Variants in EEF2K observed in about 807,000 individuals in gnomAD.
EEF2K encodes the protein eukaryotic elongation factor 2 kinase, also known as alternative protein EEF2K.
EEF2K carries 70 observed loss-of-function variants against 93.8 expected under a neutral mutation model. The observed-to-expected ratio is 0.75, with a 90% confidence interval of 0.62 to 0.91. EEF2K has a LOEUF of 0.91. Ranked by LOEUF, EEF2K falls within the 40% of genes least tolerant of loss-of-function variation. The pLI is 0.00. For synonymous variants in EEF2K, 376 were observed against 380.8 expected (o/e 0.99, Z 0.15); for missense variants, 935 against 972.9 (o/e 0.96, Z 0.52).
chr16:22,212,562 C>T (rs1401430819), intron 1 of EEF2K, among the ~76,000 whole-genome samples: 7 of 152,046 alleles, frequency 4.6e-5, no homozygotes, highest in East Asian at 1.9e-4. Flanking sequence ...CCTCGTGATC[C>T]GCCTGCCTCG....
chr16:22,280,085 A>C, intron 16 of EEF2K, 113 bp from the exon 17 acceptor site: 1 of 1,093,846 alleles, frequency 9.1e-7, no homozygotes, highest in Non-Finnish European at 1.2e-6. Context: ...GTCGTGAACC[A>C]TAGGTGGTGG....
chr16:22,279,256 A>AG (rs2047670426), intron 16 of EEF2K, among the ~76,000 whole-genome samples: 1 of 132,198 alleles, frequency 7.6e-6, no homozygotes, highest in African/African-American at 3.1e-5. Context: ...TTTTTTTTTT[A>AG]ACACAGGGTT....
chr16:22,218,774 T>C (rs8055917), intron 1 of EEF2K, among the ~76,000 whole-genome samples: 47,306 of 151,406 alleles, frequency 0.31, 8,904 homozygotes, highest in East Asian at 0.58. Context: ...CAGTTAGTGG[T>C]AGAGATGGGG....
In EEF2K at chr16:22,284,124, A is replaced by G. The variant is rs1295384598; in HGVS notation, c.*128A>G. 1 of 853,354 alleles carries G rather than the reference A, an allele frequency of 1.2e-6. No individual in the cohort carries two copies. Among genetic ancestry groups the G allele is most frequent in the African/African-American group, 1.7e-5 (1 of 58,154 alleles). 52.9% of individuals were successfully genotyped at this position (853,354 alleles called of 1,614,324 possible). ...TAAGTGTGTTGTAAAATCAAATTTTATATTTCATTTTTTGACTCTTGAAAA... is the reference window on the plus strand; with the variant it reads ...TAAGTGTGTTGTAAAATCAAATTTTGTATTTCATTTTTTGACTCTTGAAAA... On this transcript the variant is annotated 3_prime_UTR_variant, in exon 18 of 18. Coordinates refer to ENST00000263026, the MANE Select transcript of EEF2K (RefSeq NM_013302.5).
At chr16:22,259,822 G>C (rs2047444859) in intron 10 of EEF2K, among the ~76,000 whole-genome samples, 1 of 151,872 alleles carries the variant, frequency 6.6e-6, no homozygotes. Context: ...GCGTGATCTT[G>C]GCTCATTGCA....
intron 11 of EEF2K, among the ~76,000 whole-genome samples, chr16:22,262,263 A>T (rs930901045): frequency 5.9e-5 from 9 of 152,210 alleles, no homozygotes; most frequent in African/African-American, 2.2e-4. Flanking sequence ...TGTAATCCCA[A>T]CACTTTGGGA....
At chr16:22,217,224 T>TAG (rs1297604446) in intron 1 of EEF2K, among the ~76,000 whole-genome samples, 47 of 115,320 alleles carry the variant, frequency 4.1e-4, no homozygotes, top group African/African-American at 1.6e-3. Flanking sequence ...TATAGATAGA[T>TAG]AGATAGAGAG....
In EEF2K at chr16:22,256,921, C is replaced by G. The variant is rs375482252; in HGVS notation, c.768+24C>G. 5.6e-6 allele frequency: 9 copies of G among 1,612,088 alleles called. 1 individual carries two copies. In the South Asian group the frequency reaches 6.6e-5, roughly 12 times the overall value. On this transcript the variant is annotated intron_variant, in intron 7 of 17. Transcript: ENST00000263026. Reference sequence around the variant, plus strand: ...AGGTGAGGCCGAGCTCACCTCCACCCTCTGCCCACCACAGCCCTTGGGGTG... The same window carrying G: ...AGGTGAGGCCGAGCTCACCTCCACCGTCTGCCCACCACAGCCCTTGGGGTG...
chr16:22,224,655 AAAGAAAAAG>A (rs780560558), intron 1 of EEF2K, among the ~76,000 whole-genome samples: 6,198 of 134,718 alleles, frequency 0.046, 457 homozygotes, highest in African/African-American at 0.17. Context: ...AAAGAAAAGA[AAAGAAAAAG>A]AAAAAAGTCC....
At chr16:22,257,171 A>G (rs1240803706) in intron 7 of EEF2K, 82 bp from the exon 8 acceptor site, 4 of 1,584,900 alleles carry the variant, frequency 2.5e-6, no homozygotes, top group Non-Finnish European at 3.4e-6. Context: ...AAAGCCCCTC[A>G]GCATGGGCAG....
Position 22,266,910 on chromosome 16 carries a change from G to A in EEF2K, c.1764+34G>A, listed in dbSNP as rs779166684. 4 of 1,573,702 alleles carry A rather than the reference G, an allele frequency of 2.5e-6. No individual in the cohort carries two copies. In the East Asian group the frequency reaches 9.0e-5, roughly 35 times the overall value. On this transcript the variant is annotated intron_variant, in intron 15 of 17. Coordinates refer to ENST00000263026, the MANE Select transcript of EEF2K (RefSeq NM_013302.5). Reference sequence around the variant, plus strand: ...GTGGCGGGGACCCAGCTGCAGGTGGGGGTGGGACTTGGTCACCCTGTGGTT... The same window carrying A: ...GTGGCGGGGACCCAGCTGCAGGTGGAGGTGGGACTTGGTCACCCTGTGGTT...
intron 3 of EEF2K, among the ~76,000 whole-genome samples, chr16:22,247,407 C>T (rs2047306461): frequency 1.3e-5 from 2 of 151,176 alleles, no homozygotes; most frequent in African/African-American, 4.9e-5. Context: ...AAGATTGCTC[C>T]ACTGCACTCC....
At chr16:22,274,828 C>G (rs1426630738) in intron 16 of EEF2K, among the ~76,000 whole-genome samples, 2 of 152,216 alleles carry the variant, frequency 1.3e-5, no homozygotes, top group East Asian at 3.9e-4. Context: ...AGACTGGTCT[C>G]GAACTCCTGG....
intron 15 of EEF2K, among the ~76,000 whole-genome samples, chr16:22,271,528 AC>A (rs2047581801): frequency 6.7e-6 from 1 of 149,968 alleles, no homozygotes; most frequent in Admixed American, 6.7e-5. Flanking sequence ...ATCTCTACAA[AC>A]CCCCCACCCC....
chr16:22,239,528 G>A (rs933852210), intron 2 of EEF2K, among the ~76,000 whole-genome samples: 2 of 152,166 alleles, frequency 1.3e-5, no homozygotes, highest in African/African-American at 4.8e-5. Context: ...TACGGGGATT[G>A]GGCTGGGCGT....
At chr16:22,257,133 C>T (rs2047409559) in intron 7 of EEF2K, 120 bp from the exon 8 acceptor site, 8 of 1,533,994 alleles carry the variant, frequency 5.2e-6, no homozygotes, top group African/African-American at 2.8e-5. Context: ...TTTCCTTTGT[C>T]TTTTCCTCTA....
rs2047346455 is a variant in EEF2K at position 22,251,172 on chromosome 16, G to C, written c.468G>C (p.Leu156Phe). The C allele has an allele frequency of 1.2e-6, 2 of 1,613,988 alleles. No individual in the cohort carries two copies. Among genetic ancestry groups the C allele is most frequent in the Non-Finnish European group, 1.7e-6 (2 of 1,179,940 alleles). The change falls in exon 6 of 18, where the codon TTG becomes TTC. Residue 156 changes from leucine to phenylalanine, a missense_variant. Transcript: ENST00000263026. The part of the protein sequence containing the change: ...CFRTKKLSNF[L>F]HAQQWKGASN... ...ACAGGAAGAAGCTCTCCAACTTCTTGCATGCCCAGCAGTGGAAGGGCGCCT... is the reference window on the plus strand; with the variant it reads ...ACAGGAAGAAGCTCTCCAACTTCTTCCATGCCCAGCAGTGGAAGGGCGCCT...
intron 10 of EEF2K, 111 bp from the exon 11 acceptor site, chr16:22,260,350 TA>T (rs35233038): frequency 0.28 from 227,504 of 809,346 alleles, 6,839 homozygotes; most frequent in African/African-American, 0.5. Context: ...CTTTAAAGCT[TA>T]AAAAAAAAAA....
chr16:22,227,301 G>A (rs1450524309), intron 2 of EEF2K, among the ~76,000 whole-genome samples: 1 of 152,102 alleles, frequency 6.6e-6, no homozygotes, highest in African/African-American at 2.4e-5. Context: ...TCGGCTCACT[G>A]AAACGTCCGC....
Sources: allele counts gnomAD v4.1 joint callset (sites outside exome capture counted in the v4.1 genomes callset), GRCh38; gene constraint gnomAD v4.1.1; transcripts MANE v1.5; gene names NCBI Gene and HGNC (gene_info 2026-07-23, HGNC 2026-07-21).